The following EIF3L variants were observed in gnomAD, a reference collection of about 807,000 sequenced individuals.
EIF3L encodes eukaryotic translation initiation factor 3 subunit L, also known as eIEF associated protein HSPC021.
A neutral mutation model predicts 74.6 loss-of-function variants in EIF3L; 32 were observed. The observed-to-expected ratio is 0.43, with a 90% CI of 0.32 to 0.58. EIF3L has a LOEUF of 0.58. EIF3L is among the 20% of genes least tolerant of loss of function. EIF3L has a pLI of 0.06. For missense variants in EIF3L, 474 were observed against 707.8 expected (o/e 0.67, Z 3.75); for synonymous variants, 256 against 254.4 (o/e 1.01, Z -0.06).
intron 12 of EIF3L, 184 bp from the exon 13 acceptor site, chr22:37,888,242 G>A (rs564391576): frequency 4.2e-5 from 24 of 572,606 alleles, no homozygotes; most frequent in Admixed American, 1.6e-4. Context: ...AGAATAATCC[G>A]CGTGAACTGT....
At chr22:37,882,693 A>C (rs1228791629) in intron 11 of EIF3L, 2 of 150,680 alleles carry the variant, frequency 1.3e-5, no homozygotes, top group African/African-American at 4.9e-5. Flanking sequence ...AGAAAAAAAC[A>C]TAATTTTTAT....
intron 7 of EIF3L, among the ~76,000 whole-genome samples, chr22:37,866,026 C>T (rs895298982): frequency 1.3e-5 from 2 of 152,138 alleles, no homozygotes; most frequent in African/African-American, 4.8e-5. Flanking sequence ...TTCCTCGCCA[C>T]CCTGTTTTAT....
chr22:37,861,506 A>T (rs1413777021), intron 5 of EIF3L, among the ~76,000 whole-genome samples: 1 of 152,142 alleles, frequency 6.6e-6, no homozygotes, highest in East Asian at 1.9e-4. Flanking sequence ...CAATATGGTG[A>T]AACCCCGTCT....
chr22:37,863,207 C>A, intron 6 of EIF3L, 65 bp from the exon 7 acceptor site: 1 of 1,421,668 alleles, frequency 7.0e-7, no homozygotes, highest in Non-Finnish European at 9.8e-7. Context: ...ACAAAGCATT[C>A]TGCAGCCTAC....
intron 8 of EIF3L, among the ~76,000 whole-genome samples, chr22:37,873,075 G>A (rs992735791): frequency 4.0e-5 from 6 of 151,246 alleles, no homozygotes; most frequent in Non-Finnish European, 5.9e-5. Flanking sequence ...TGCAACCTCC[G>A]CCTCCCAAGT....
chr22:37,877,661 ACCCCAT>A lies in EIF3L; in HGVS notation c.1078-7_1078-2del, dbSNP rs1926822995. On this transcript the variant is annotated splice_region_variant and splice_polypyrimidine_tract_variant and intron_variant, in intron 10 of 12. Coordinates refer to ENST00000652021, the MANE Select transcript of EIF3L (RefSeq NM_016091.4). ...CTCATTTGACCCAGTACCACTCTCCACCCCATCCCCAGATTAACAAGCAGAATGAGC... is the reference window on the plus strand; with the variant it reads ...CTCATTTGACCCAGTACCACTCTCCACCCCAGATTAACAAGCAGAATGAGC... 6.3e-7 allele frequency: 1 copy of A among 1,582,302 alleles called. No individual in the cohort carries two copies. The highest frequency in any genetic ancestry group is 8.6e-7 in the Non-Finnish European group (1 of 1,163,538).
rs1396954999 is a variant in EIF3L at position 37,887,036 on chromosome 22, C to CT, written c.1656+192dup. ...CTCTGCCTCCTGGGTTCAAGCGAGT[C>CT]TCCCTCCTCAGCCTCCCGCATAGCT... On this transcript the variant is annotated intron_variant, in intron 12 of 12. Transcript: ENST00000652021. 2.1e-5 allele frequency: 9 copies of CT among 431,304 alleles called. No homozygotes were observed. In the Middle Eastern group the frequency reaches 4.5e-3, roughly 214 times the overall value. 26.7% of individuals were successfully genotyped at this position (431,304 alleles called of 1,614,324 possible). A position where few individuals can be genotyped will look rare whatever the true frequency, so the allele number is the denominator to read the frequency against.
At chr22:37,862,777 C>T (rs1925926606) in intron 5 of EIF3L, among the ~76,000 whole-genome samples, 192 bp from the exon 6 acceptor site, 2 of 152,218 alleles carry the variant, frequency 1.3e-5, no homozygotes, top group African/African-American at 2.4e-5. Context: ...AACCTAACCA[C>T]GTGTTGCAGT....
intron 8 of EIF3L, among the ~76,000 whole-genome samples, chr22:37,872,696 G>T (rs1427170366): frequency 1.3e-5 from 2 of 152,054 alleles, no homozygotes; most frequent in Non-Finnish European, 2.9e-5. Flanking sequence ...ATGGCTCACT[G>T]CATCCTCTAC....
intron 1 of EIF3L, 59 bp downstream of exon 1, chr22:37,849,541 G>A (rs909379513): frequency 2.0e-6 from 3 of 1,520,490 alleles, no homozygotes; most frequent in Non-Finnish European, 2.7e-6. Flanking sequence ...GGGACCACTG[G>A]ATGTGGGTCC....
At chr22:37,870,042 G>T in intron 7 of EIF3L, 134 bp from the exon 8 acceptor site, 1 of 663,420 alleles carries the variant, frequency 1.5e-6, no homozygotes, top group Non-Finnish European at 2.5e-6. Flanking sequence ...GAATGGTTTA[G>T]AATGAGAAGT....
chr22:37,886,640 CT>C (rs1290463956), intron 11 of EIF3L, 124 bp from the exon 12 acceptor site: 3 of 649,306 alleles, frequency 4.6e-6, no homozygotes, highest in African/African-American at 1.9e-5. Context: ...TTCCAGTGGT[CT>C]TTTCCCCACC....
At position 37,877,944 on chromosome 22, in the gene EIF3L, G is replaced by A. The variant is rs1569122167; in HGVS notation, c.1348G>A (p.Glu450Lys). 1.2e-6 allele frequency: 2 copies of A among 1,612,554 alleles called. No homozygotes were observed. The highest frequency in any genetic ancestry group is 1.7e-5 in the Admixed American group (1 of 59,992). ...FLQQLKVFSD[E>K]VQQQAQLSTI... ...GCAGCAGCTGAAGGTGTTTTCTGATGAAGTACAGCAGCAGGCCCAGCTTTC... is the reference window on the plus strand; with the variant it reads ...GCAGCAGCTGAAGGTGTTTTCTGATAAAGTACAGCAGCAGGCCCAGCTTTC... The change falls in exon 11 of 13, where the codon GAA becomes AAA. Residue 450 changes from glutamate to lysine, a missense_variant. Glu to Lys is a moderately conservative substitution (Grantham distance 56). Coordinates refer to ENST00000652021, the MANE Select transcript of EIF3L (RefSeq NM_016091.4).
At chr22:37,880,790 T>C (rs1927010297) in intron 11 of EIF3L, 1 of 152,228 alleles carries the variant, frequency 6.6e-6, no homozygotes, top group Non-Finnish European at 1.5e-5. Flanking sequence ...TGTCCTGATG[T>C]CTAACATCTT....
chr22:37,873,542 C>G (rs573718568), intron 8 of EIF3L, among the ~76,000 whole-genome samples: 1 of 152,288 alleles, frequency 6.6e-6, no homozygotes, highest in East Asian at 1.9e-4. Context: ...ATCTGCCCAC[C>G]TCAGCCTCCC....
rs749577319 is a variant in EIF3L, at chr22:37,886,835, A to G, written c.1646A>G (p.Lys549Arg). Reference protein sequence around the residue: ...YGDFFIRQIHKFEELNRTLKK... With the variant: ...YGDFFIRQIHRFEELNRTLKK... ...GATTTCTTCATCCGTCAGATCCACA[A>G]ATTTGAGGAGGTGAGAGATCTGAGA... Residue 549 changes from lysine (K) to arginine (R), a missense_variant, in exon 12 of 13, where the codon AAA becomes AGA. Lys to Arg is a conservative substitution (Grantham distance 26). Around this residue, in one of 4 missense-constraint regions of EIF3L, gnomAD observed 293 missense variants for 469.1 expected, o/e 0.62. Transcript: ENST00000652021. The G allele has an allele frequency of 1.9e-6, 3 of 1,609,904 alleles. No homozygotes were observed. The highest frequency in any genetic ancestry group is 2.5e-6 in the Non-Finnish European group (3 of 1,177,150).
chr22:37,849,961 C>T (rs770726996), intron 1 of EIF3L, 54 bp from the exon 2 acceptor site: 55 of 1,597,206 alleles, frequency 3.4e-5, no homozygotes, highest in Non-Finnish European at 4.6e-5. Context: ...CTAGGATGAG[C>T]GTTTTGAATT....
chr22:37,849,982 C>A, intron 1 of EIF3L, 33 bp from the exon 2 acceptor site: 1 of 1,612,660 alleles, frequency 6.2e-7, no homozygotes, highest in Non-Finnish European at 8.5e-7. Context: ...CACGACTTGG[C>A]GGCTGTCCTT....
At chr22:37,877,469 A>G (rs977526628) in intron 10 of EIF3L, 4 of 583,168 alleles carry the variant, frequency 6.9e-6, no homozygotes, top group Non-Finnish European at 1.2e-5. Flanking sequence ...AATCCAGAAG[A>G]TGGCTAAGGA....
Sources: allele counts gnomAD v4.1 joint callset (sites outside exome capture counted in the v4.1 genomes callset), GRCh38; gene constraint gnomAD v4.1.1; regional missense constraint gnomAD v4.1.1; transcripts MANE v1.5; gene names NCBI Gene and HGNC (gene_info 2026-07-23, HGNC 2026-07-21).